The following PLPPR1 variants were observed in gnomAD, a reference collection of about 807,000 sequenced individuals.
PLPPR1 encodes phospholipid phosphatase-related protein type 1.
PLPPR1 carries 10 observed loss-of-function variants against 33.1 expected under a neutral mutation model. The ratio of observed to expected loss-of-function variants is 0.30; its 90% CI spans 0.19 to 0.51. PLPPR1 has a LOEUF of 0.51. PLPPR1 is among the 20% of genes least tolerant of loss of function. The pLI is 0.97. For missense variants in PLPPR1, 304 were observed against 408.1 expected (o/e 0.74, Z 2.20); for synonymous variants, 151 against 151.0 (o/e 1.00, Z 0.00).
intron 1 of PLPPR1, among the ~76,000 whole-genome samples, chr9:101,095,361 T>G (rs1830804382): frequency 6.6e-6 from 1 of 152,178 alleles, no homozygotes; most frequent in Admixed American, 6.5e-5. Context: ...GCTGGACTTT[T>G]GAGCATTGTC....
At chr9:101,168,811 A>G (rs1454891450) in intron 1 of PLPPR1, among the ~76,000 whole-genome samples, 2 of 152,188 alleles carry the variant, frequency 1.3e-5, no homozygotes, top group African/African-American at 4.8e-5. Flanking sequence ...CCATTTTACA[A>G]TAGACTTCAA....
At chr9:101,161,974 G>T (rs577072452) in intron 1 of PLPPR1, among the ~76,000 whole-genome samples, 1 of 151,914 alleles carries the variant, frequency 6.6e-6, no homozygotes, top group African/African-American at 2.4e-5. Flanking sequence ...GAGCTAGCAC[G>T]GTAAAGTAGG....
intron 1 of PLPPR1, among the ~76,000 whole-genome samples, chr9:101,096,476 A>G (rs1256916524): frequency 6.6e-6 from 1 of 152,200 alleles, no homozygotes; most frequent in African/African-American, 2.4e-5. Flanking sequence ...ATGTTTGTGA[A>G]GCATATGTAT....
chr9:101,229,284 A>G (rs1322029568), intron 2 of PLPPR1, among the ~76,000 whole-genome samples: 1 of 152,102 alleles, frequency 6.6e-6, no homozygotes, highest in Non-Finnish European at 1.5e-5. Context: ...ATCTTATTAA[A>G]TTTGCAACAT....
intron 2 of PLPPR1, among the ~76,000 whole-genome samples, chr9:101,232,086 G>A (rs150194341): frequency 1.3e-5 from 2 of 152,182 alleles, no homozygotes; most frequent in Non-Finnish European, 2.9e-5. Context: ...AAAGGCCTAA[G>A]TGCAGCCACA....
At chr9:101,075,982 G>C (rs1345417112) in intron 1 of PLPPR1, among the ~76,000 whole-genome samples, 1 of 152,158 alleles carries the variant, frequency 6.6e-6, no homozygotes, top group Non-Finnish European at 1.5e-5. Flanking sequence ...GGGTCAGAAA[G>C]AAGGCCAGTG....
chr9:101,286,190 A>G lies in PLPPR1; in HGVS notation c.339A>G (p.Glu113=). The G allele has an allele frequency of 6.2e-7, 1 of 1,613,906 alleles. No individual in the cohort carries two copies. The highest frequency in any genetic ancestry group is 8.5e-7 in the Non-Finnish European group (1 of 1,179,796). The change falls in exon 4 of 8, where the codon GAA becomes GAG. Residue 113 remains glutamate (E), a synonymous_variant. Transcript: ENST00000374874. ...IAQEKTILTG[E]CCYLNPLLRR... Reference sequence around the variant, plus strand: ...AGGAGAAAACAATTCTGACCGGAGAATGCTGTTACCTGAACCCCTTACTTC... The same window carrying G: ...AGGAGAAAACAATTCTGACCGGAGAGTGCTGTTACCTGAACCCCTTACTTC...
At chr9:101,270,446 A>G (rs907590115) in intron 3 of PLPPR1, among the ~76,000 whole-genome samples, 2 of 152,228 alleles carry the variant, frequency 1.3e-5, no homozygotes, top group African/African-American at 4.8e-5. Flanking sequence ...CACTGATATA[A>G]TGGCTGAGAT....
At chr9:101,225,378 A>C (rs1827042227) in intron 2 of PLPPR1, among the ~76,000 whole-genome samples, 1 of 152,138 alleles carries the variant, frequency 6.6e-6, no homozygotes, top group Non-Finnish European at 1.5e-5. Context: ...TCCCTAAAAT[A>C]GCAGGCACCG....
intron 4 of PLPPR1, among the ~76,000 whole-genome samples, chr9:101,306,370 C>G (rs1009179054): frequency 1.3e-5 from 2 of 152,212 alleles, no homozygotes. Flanking sequence ...GTAATCAGAA[C>G]AGGCAGGGCT....
intron 5 of PLPPR1, among the ~76,000 whole-genome samples, chr9:101,310,938 T>C (rs1422688869): frequency 6.6e-6 from 1 of 152,198 alleles, no homozygotes; most frequent in Non-Finnish European, 1.5e-5. Context: ...GTCTTTGCTT[T>C]ATCAAAAACA....
chr9:101,030,043 C>G (rs1829924924), intron 1 of PLPPR1, among the ~76,000 whole-genome samples: 1 of 151,916 alleles, frequency 6.6e-6, no homozygotes, highest in African/African-American at 2.4e-5. Flanking sequence ...GTGGTGTCTG[C>G]TATCTAGTTG....
At chr9:101,087,290 C>G (rs542528763) in intron 1 of PLPPR1, among the ~76,000 whole-genome samples, 1 of 152,110 alleles carries the variant, frequency 6.6e-6, no homozygotes, top group Non-Finnish European at 1.5e-5. Flanking sequence ...TACTGACACT[C>G]TCTTCATTTA....
intron 1 of PLPPR1, among the ~76,000 whole-genome samples, chr9:101,108,647 C>T (rs1831009859): frequency 6.6e-6 from 1 of 152,168 alleles, no homozygotes; most frequent in Non-Finnish European, 1.5e-5. Context: ...AAAATAAAAA[C>T]CAATAGCATT....
chr9:101,219,803 T>C (rs1196235890), intron 2 of PLPPR1, among the ~76,000 whole-genome samples: 2 of 152,228 alleles, frequency 1.3e-5, no homozygotes. Flanking sequence ...CCCTAATCTA[T>C]GCATTACCTC....
At chr9:101,323,137 G>A (rs1829186407) in intron 7 of PLPPR1, among the ~76,000 whole-genome samples, 1 of 152,114 alleles carries the variant, frequency 6.6e-6, no homozygotes, top group Non-Finnish European at 1.5e-5. Context: ...AAATTACTTT[G>A]AGGCTCTTAA....
chr9:101,114,585 A>C (rs928639788), intron 1 of PLPPR1, among the ~76,000 whole-genome samples: 7 of 152,202 alleles, frequency 4.6e-5, no homozygotes, highest in African/African-American at 1.7e-4. Flanking sequence ...ACTGGGAGGC[A>C]GGAAGGTAAG....
At chr9:101,272,953 G>A (rs1018228537) in intron 3 of PLPPR1, among the ~76,000 whole-genome samples, 1 of 152,104 alleles carries the variant, frequency 6.6e-6, no homozygotes, top group East Asian at 1.9e-4. Context: ...TGTATATAGG[G>A]ATGTTCATGT....
At chr9:101,096,320 C>T (rs1830816963) in intron 1 of PLPPR1, among the ~76,000 whole-genome samples, 1 of 152,194 alleles carries the variant, frequency 6.6e-6, no homozygotes, top group South Asian at 2.1e-4. Flanking sequence ...ACAGTAGCTA[C>T]TCCTTGATCA....
Sources: gnomAD v4.1 joint callset for allele counts (sites outside exome capture counted in the v4.1 genomes callset) on GRCh38, gnomAD v4.1.1 for gene constraint, MANE v1.5 for transcripts, NCBI Gene and HGNC (gene_info 2026-07-23, HGNC 2026-07-21) for gene names.